Variants in LINC00632 observed in about 807,000 individuals in gnomAD.
The protein encoded by LINC00632 is ALDOA related specific transcript.
At chrX:140,743,257 A>AAAAAAAAAAAAAG (rs1931270752) in intron 3 of LINC00632, among the ~76,000 whole-genome samples, 2 of 101,872 alleles carry the variant, frequency 2.0e-5, no homozygotes, top group African/African-American at 7.2e-5. Flanking sequence ...AAAAAAAAAA[A>AAAAAAAAAAAAAG]AAAGAAATAG....
chrX:140,713,391 C>A, intron 2 of LINC00632: 1 of 282,189 alleles, frequency 3.5e-6, no homozygotes, highest in South Asian at 3.3e-5. Context: ...AGTTGCATGA[C>A]TGTGGGACGG....
chrX:140,771,714 C>G (rs1337609548), intron 3 of LINC00632, among the ~76,000 whole-genome samples: 10 of 92,000 alleles, frequency 1.1e-4, no homozygotes, highest in African/African-American at 3.6e-4. Flanking sequence ...GAATCTTACT[C>G]TGTCACCCAG....
exon 5 of LINC00632, among the ~76,000 whole-genome samples, chrX:140,778,776 A>T (rs1342094772): frequency 8.9e-6 from 1 of 112,023 alleles, no homozygotes; most frequent in Non-Finnish European, 1.9e-5. Flanking sequence ...TAAAATGAGA[A>T]ATTGACTATT....
chrX:140,751,130 G>C (rs1363213619), intron 3 of LINC00632, among the ~76,000 whole-genome samples: 1 of 110,826 alleles, frequency 9.0e-6, no homozygotes, highest in African/African-American at 3.3e-5. Context: ...TTTTGTTTTG[G>C]GTAAATGCCC....
In LINC00632 at chrX:140,758,610, T is replaced by C. The variant is rs1253457162; in HGVS notation, n.192-13468T>C. Among the ~76,000 whole-genome samples, 24 of 111,931 alleles carry C rather than the reference T, an allele frequency of 2.1e-4. No homozygotes were observed. In the Admixed American group the frequency reaches 2.2e-3, roughly 10 times the overall value. ...CCAGGCTGGTCTCGAACTCCTGACC[T>C]CAGGTGATCCACCCGCCTTGGACTC... On this transcript the variant is annotated intron_variant and non_coding_transcript_variant, in intron 3 of 4. Transcript: ENST00000648200.
chrX:140,788,829 A>G (rs1338558706), exon 5 of LINC00632, among the ~76,000 whole-genome samples: 1 of 104,154 alleles, frequency 9.6e-6, no homozygotes, highest in Non-Finnish European at 2.0e-5. Context: ...TTCCATATAT[A>G]CACATATATG....
At chrX:140,744,588 G>T (rs1931296002) in intron 3 of LINC00632, among the ~76,000 whole-genome samples, 1 of 80,493 alleles carries the variant, frequency 1.2e-5, no homozygotes, top group Non-Finnish European at 2.5e-5. Flanking sequence ...GTGGGGGGAG[G>T]AGATGGAGTC....
intron 3 of LINC00632, among the ~76,000 whole-genome samples, chrX:140,762,468 AG>A (rs1251873410): frequency 1.8e-5 from 2 of 112,566 alleles, no homozygotes; most frequent in African/African-American, 3.2e-5. Context: ...TTTGACTGTG[AG>A]AAAAATGATA....
chrX:140,712,183 C>A (rs944473410), intron 2 of LINC00632: 1 of 109,950 alleles, frequency 9.1e-6, no homozygotes, highest in Non-Finnish European at 1.9e-5. Context: ...TTGTGCGTTT[C>A]AAAAATCCTA....
chrX:140,719,202 T>C (rs1031903830), intron 2 of LINC00632, among the ~76,000 whole-genome samples: 1 of 112,022 alleles, frequency 8.9e-6, no homozygotes, highest in African/African-American at 3.2e-5. Context: ...TGCACATATA[T>C]ACTCCATAAC....
chrX:140,750,985 G>A (rs1471575844), intron 3 of LINC00632, among the ~76,000 whole-genome samples: 1 of 111,884 alleles, frequency 8.9e-6, no homozygotes. Context: ...GTATTCCATG[G>A]TGCATATATA....
At chrX:140,713,154 C>G (rs1930552519) in intron 2 of LINC00632, among the ~76,000 whole-genome samples, 1 of 106,651 alleles carries the variant, frequency 9.4e-6, no homozygotes, top group Admixed American at 1.0e-4. Flanking sequence ...AGCTAAACTG[C>G]CATCGTTACT....
chrX:140,730,673 C>T (rs752034052), intron 2 of LINC00632, among the ~76,000 whole-genome samples: 215 of 111,609 alleles, frequency 1.9e-3, no homozygotes, highest in Non-Finnish European at 3.1e-3. Context: ...TATTTCACAG[C>T]TAGCTCCCAT....
chrX:140,771,612 TACACACAC>T (rs77229499), intron 3 of LINC00632, among the ~76,000 whole-genome samples: 3,265 of 79,691 alleles, frequency 0.041, 111 homozygotes, highest in East Asian at 0.16. Context: ...TTGGCATATA[TACACACAC>T]ACACACACAC....
chrX:140,728,829 G>A (rs1026194526), intron 2 of LINC00632, among the ~76,000 whole-genome samples: 2 of 111,028 alleles, frequency 1.8e-5, no homozygotes, highest in African/African-American at 3.3e-5. Flanking sequence ...GTGCACTAAC[G>A]TGCTCCACAA....
At chrX:140,781,949 C>G (rs1931940528) in exon 5 of LINC00632, among the ~76,000 whole-genome samples, 1 of 111,986 alleles carries the variant, frequency 8.9e-6, no homozygotes, top group African/African-American at 3.2e-5. Flanking sequence ...TAAAGCCAAG[C>G]AGTTCTCTCG....
intron 2 of LINC00632, among the ~76,000 whole-genome samples, chrX:140,732,622 T>C (rs1331391292): frequency 8.9e-6 from 1 of 111,883 alleles, no homozygotes; most frequent in Non-Finnish European, 1.9e-5. Context: ...AGTGTAGGTA[T>C]ATGGATGCAT....
chrX:140,766,733 C>T (rs747110072), intron 3 of LINC00632, among the ~76,000 whole-genome samples: 1 of 111,724 alleles, frequency 9.0e-6, no homozygotes, highest in Non-Finnish European at 1.9e-5. Flanking sequence ...AATTAATTAT[C>T]ATAAATGAAA....
exon 5 of LINC00632, chrX:140,783,394 A>T: frequency 2.1e-6 from 1 of 469,812 alleles, no homozygotes; most frequent in Non-Finnish European, 3.6e-6. Context: ...TCCAGCAATT[A>T]CTGGTCTTCC....
Sources: gnomAD v4.1 joint callset for allele counts (sites outside exome capture counted in the v4.1 genomes callset) on GRCh38, gnomAD v4.1.1 for gene constraint, MANE v1.5 for transcripts, NCBI Gene and HGNC (gene_info 2026-07-23, HGNC 2026-07-21) for gene names.